Variants in KCNIP4 observed in about 807,000 individuals in gnomAD.
The protein encoded by KCNIP4 is potassium voltage-gated channel interacting protein 4, also known as Kv channel-interacting protein 4.
KCNIP4 carries 12 observed loss-of-function variants against 34.0 expected under a neutral mutation model. The observed-to-expected ratio is 0.35, with a 90% CI of 0.23 to 0.57. KCNIP4 has a LOEUF of 0.57. KCNIP4 is among the 20% of genes least tolerant of loss of function. KCNIP4 has a pLI of 0.83. For synonymous variants in KCNIP4, 124 were observed against 102.2 expected, an observed-to-expected ratio of 1.21 and a Z score of -1.29; for missense variants, 238 against 311.7, an observed-to-expected ratio of 0.76 and a Z score of 1.78.
intron 1 of KCNIP4, among the ~76,000 whole-genome samples, chr4:21,000,349 C>A (rs942365139): frequency 2.0e-5 from 3 of 151,836 alleles, no homozygotes; most frequent in African/African-American, 7.3e-5. Context: ...TAGATCAAGT[C>A]ATGTGACTCC....
intron 1 of KCNIP4, among the ~76,000 whole-genome samples, chr4:21,838,612 G>C (rs920161096): frequency 3.3e-5 from 5 of 151,798 alleles, no homozygotes; most frequent in Admixed American, 3.3e-4. Flanking sequence ...ATTCGTATTG[G>C]GCTACATATT....
intron 1 of KCNIP4, among the ~76,000 whole-genome samples, chr4:20,995,430 A>G (rs1261317792): frequency 6.6e-6 from 1 of 152,216 alleles, no homozygotes. Flanking sequence ...TTTAGTAGCC[A>G]TCTCTGAGGT....
At chr4:21,321,796 G>A (rs201070151) in intron 1 of KCNIP4, among the ~76,000 whole-genome samples, 4 of 141,316 alleles carry the variant, frequency 2.8e-5, no homozygotes, top group African/African-American at 8.1e-5. Context: ...GAAGGAAGGA[G>A]GGAGGGAGAA....
At chr4:21,126,495 G>T (rs1416618383) in intron 1 of KCNIP4, among the ~76,000 whole-genome samples, 1 of 151,622 alleles carries the variant, frequency 6.6e-6, no homozygotes, top group East Asian at 1.9e-4. Context: ...AACTCAAACA[G>T]AACTCAGATT....
intron 1 of KCNIP4, among the ~76,000 whole-genome samples, chr4:21,945,712 C>T (rs2109024708): frequency 6.6e-6 from 1 of 151,956 alleles, no homozygotes; most frequent in African/African-American, 2.4e-5. Context: ...GACCTTGTTT[C>T]TGATTCTCTT....
intron 1 of KCNIP4, among the ~76,000 whole-genome samples, chr4:21,688,536 C>T (rs1279251365): frequency 6.6e-6 from 1 of 152,092 alleles, no homozygotes; most frequent in Non-Finnish European, 1.5e-5. Flanking sequence ...ATGGGACAGA[C>T]AACTTGTACT....
chr4:21,911,909 G>A (rs1349380258), intron 1 of KCNIP4, among the ~76,000 whole-genome samples: 1 of 151,846 alleles, frequency 6.6e-6, no homozygotes, highest in Non-Finnish European at 1.5e-5. Context: ...CTTTACATCT[G>A]AAGATACTAA....
chr4:20,837,834 A>G (rs1354623535), intron 3 of KCNIP4, among the ~76,000 whole-genome samples: 3 of 148,442 alleles, frequency 2.0e-5, no homozygotes, highest in African/African-American at 7.5e-5. Flanking sequence ...GGCATACATC[A>G]CTATGCCCAG....
At chr4:21,126,283 T>C (rs1750606791) in intron 1 of KCNIP4, among the ~76,000 whole-genome samples, 1 of 152,168 alleles carries the variant, frequency 6.6e-6, no homozygotes, top group Non-Finnish European at 1.5e-5. Context: ...ATCTGGTAAG[T>C]TCTCCCTGGC....
intron 1 of KCNIP4, among the ~76,000 whole-genome samples, chr4:21,707,765 T>C (rs1421756532): frequency 1.3e-5 from 2 of 152,058 alleles, no homozygotes; most frequent in Non-Finnish European, 2.9e-5. Flanking sequence ...GGATTCTGTG[T>C]CAGCATCCAG....
At chr4:21,323,282 G>T (rs1295897511) in intron 1 of KCNIP4, among the ~76,000 whole-genome samples, 12 of 151,410 alleles carry the variant, frequency 7.9e-5, no homozygotes, top group African/African-American at 2.4e-4. Flanking sequence ...ATTCAATTAT[G>T]CTCTTAGTCA....
chr4:21,514,971 C>T (rs1179264254), intron 1 of KCNIP4, among the ~76,000 whole-genome samples: 4 of 152,144 alleles, frequency 2.6e-5, no homozygotes, highest in Admixed American at 6.5e-5. Context: ...CTATGAAGTC[C>T]ATTTGATTTA....
chr4:20,960,815 T>C (rs1043277264), intron 1 of KCNIP4, among the ~76,000 whole-genome samples: 5 of 152,174 alleles, frequency 3.3e-5, no homozygotes, highest in Non-Finnish European at 2.9e-5. Context: ...TGAGGTACTA[T>C]TAAGAAAAAA....
rs1578416377 is a variant in KCNIP4, at chr4:20,732,997, T to G, written c.538-212A>C. 2.0e-5 allele frequency among the ~76,000 whole-genome samples: 3 copies of G among 152,236 alleles called. No individual in the cohort carries two copies. In the East Asian group the frequency reaches 5.8e-4, roughly 29 times the overall value. On this transcript the variant is annotated intron_variant, in intron 6 of 8. Coordinates refer to ENST00000382152, the MANE Select transcript of KCNIP4 (RefSeq NM_025221.6). ...AGAATCAGAATTTAAGAATGAATTC[T>G]GATCTCTTGGTTTCAAAAGGAAGCA...
intron 1 of KCNIP4, among the ~76,000 whole-genome samples, chr4:21,633,608 C>T (rs1351720596): frequency 1.3e-5 from 2 of 152,084 alleles, no homozygotes; most frequent in Non-Finnish European, 2.9e-5. Context: ...TTTAATACTA[C>T]AGGTTATCCT....
rs1193663469 is a variant in KCNIP4, at chr4:20,972,647, GT to G, written c.62-89939del. ...GCACAGGCAGAATAGATTTAGTATAGTTTTTTTTAAAAGTAGTGCGGACCCA... is the reference window on the plus strand; with the variant it reads ...GCACAGGCAGAATAGATTTAGTATAGTTTTTTTAAAAGTAGTGCGGACCCA... On this transcript the variant is annotated intron_variant, in intron 1 of 8. Transcript: ENST00000382152. Among the ~76,000 whole-genome samples the G allele has an allele frequency of 5.9e-5, 9 of 152,128 alleles. No homozygotes were observed. The South Asian group carries it at 1.7e-3, about 28-fold the overall frequency.
At chr4:21,871,340 C>T (rs1168743251) in intron 1 of KCNIP4, among the ~76,000 whole-genome samples, 5 of 148,174 alleles carry the variant, frequency 3.4e-5, no homozygotes, top group East Asian at 4.1e-4. Flanking sequence ...GACACATGCA[C>T]ACGTATGTTT....
At chr4:21,412,234 C>T (rs1282278467) in intron 1 of KCNIP4, among the ~76,000 whole-genome samples, 1 of 152,144 alleles carries the variant, frequency 6.6e-6, no homozygotes, top group Non-Finnish European at 1.5e-5. Flanking sequence ...CCCCTTTGTT[C>T]CTGCTCATAC....
chr4:20,830,139 G>A (rs1331157992), intron 3 of KCNIP4, among the ~76,000 whole-genome samples: 2 of 152,126 alleles, frequency 1.3e-5, no homozygotes, highest in Non-Finnish European at 2.9e-5. Flanking sequence ...TAGGCTAAAT[G>A]ACATCATGGC....
Sources: gnomAD v4.1 joint callset for allele counts (sites outside exome capture counted in the v4.1 genomes callset) on GRCh38, gnomAD v4.1.1 for gene constraint, MANE v1.5 for transcripts, NCBI Gene and HGNC (gene_info 2026-07-23, HGNC 2026-07-21) for gene names.